Variants in DCC observed in about 807,000 individuals in gnomAD.
The protein encoded by DCC is netrin receptor DCC.
A neutral mutation model predicts 172.5 loss-of-function variants in DCC; 58 were observed. The ratio of observed to expected loss-of-function variants is 0.34; its 90% CI spans 0.27 to 0.42. The LOEUF (loss-of-function observed/expected upper bound fraction) is 0.42. Among genes scored for constraint, DCC ranks in the 10% least tolerant of loss-of-function variants. The pLI is 1.00. For synonymous variants in DCC, 709 were observed against 644.5 expected (o/e 1.10, Z -1.52); for missense variants, 1,740 against 1,791.0 (o/e 0.97, Z 0.51).
chr18:52,997,484 A>G (rs977555859), intron 5 of DCC, among the ~76,000 whole-genome samples: 2 of 152,094 alleles, frequency 1.3e-5, no homozygotes, highest in Non-Finnish European at 2.9e-5. Context: ...CAGGATTCAC[A>G]TATGCCAAAA....
At chr18:53,476,556 G>T (rs1327060491) in intron 25 of DCC, among the ~76,000 whole-genome samples, 13 of 152,174 alleles carry the variant, frequency 8.5e-5, no homozygotes, top group Admixed American at 8.5e-4. Context: ...CTTCTGCCAT[G>T]ATTGTGAGGC....
intron 1 of DCC, among the ~76,000 whole-genome samples, chr18:52,647,965 A>G (rs1015729670): frequency 2.0e-5 from 3 of 152,206 alleles, no homozygotes; most frequent in Non-Finnish European, 4.4e-5. Flanking sequence ...GAGAGAATTG[A>G]TTTTGATGCA....
intron 1 of DCC, among the ~76,000 whole-genome samples, chr18:52,475,212 A>T (rs2144569583): frequency 6.6e-6 from 1 of 152,290 alleles, no homozygotes; most frequent in African/African-American, 2.4e-5. Context: ...GGGGATTTTT[A>T]AAGCCCTTTC....
At chr18:52,362,734 T>C (rs966907929) in intron 1 of DCC, among the ~76,000 whole-genome samples, 2 of 152,176 alleles carry the variant, frequency 1.3e-5, no homozygotes, top group Non-Finnish European at 2.9e-5. Flanking sequence ...TATAGGCAGG[T>C]TGGGAGTGGG....
intron 7 of DCC, among the ~76,000 whole-genome samples, chr18:53,134,921 C>A (rs970182131): frequency 2.0e-5 from 3 of 152,156 alleles, no homozygotes; most frequent in African/African-American, 7.2e-5. Context: ...GATTCCGACT[C>A]ATTCATACCA....
intron 15 of DCC, among the ~76,000 whole-genome samples, chr18:53,382,025 C>T (rs1306337873): frequency 6.6e-6 from 1 of 150,920 alleles, no homozygotes; most frequent in Non-Finnish European, 1.5e-5. Flanking sequence ...ACACTGTAGC[C>T]AAATCTAGCC....
chr18:52,856,487 G>A (rs1034719326), intron 2 of DCC, among the ~76,000 whole-genome samples: 5 of 151,754 alleles, frequency 3.3e-5, no homozygotes, highest in African/African-American at 9.7e-5. Context: ...ATAGCCGGGC[G>A]TGGTGGCGGG....
chr18:52,392,528 A>C (rs1986068220), intron 1 of DCC, among the ~76,000 whole-genome samples: 1 of 152,130 alleles, frequency 6.6e-6, no homozygotes, highest in Non-Finnish European at 1.5e-5. Flanking sequence ...TGTACAATGC[A>C]AGTTGATGGA....
chr18:53,307,138 A>G (rs2057210185), intron 13 of DCC, among the ~76,000 whole-genome samples: 1 of 152,186 alleles, frequency 6.6e-6, no homozygotes, highest in Non-Finnish European at 1.5e-5. Context: ...TTATGCCTAT[A>G]TAATTTTAGC....
chr18:52,365,133 A>T (rs1430678825), intron 1 of DCC, among the ~76,000 whole-genome samples: 1 of 152,232 alleles, frequency 6.6e-6, no homozygotes, highest in African/African-American at 2.4e-5. Context: ...TCTCCTTGTC[A>T]TCTTCCTTGC....
intron 5 of DCC, among the ~76,000 whole-genome samples, chr18:53,029,624 T>TA (rs398032874): frequency 3.9e-5 from 6 of 151,990 alleles, no homozygotes; most frequent in East Asian, 1.9e-4. Flanking sequence ...GTCTTTTTTT[T>TA]ATCTTTGTAT....
intron 1 of DCC, among the ~76,000 whole-genome samples, chr18:52,678,291 G>A (rs1414056604): frequency 6.6e-6 from 1 of 152,076 alleles, no homozygotes; most frequent in African/African-American, 2.4e-5. Flanking sequence ...GCATACTCCT[G>A]GGATGATCTA....
At chr18:52,697,805 A>G (rs1208974927) in intron 1 of DCC, among the ~76,000 whole-genome samples, 1 of 152,226 alleles carries the variant, frequency 6.6e-6, no homozygotes, top group Non-Finnish European at 1.5e-5. Context: ...ATTGTAGAAC[A>G]GCTGTTTAAG....
At chr18:53,022,184 A>G (rs1176145160) in intron 5 of DCC, among the ~76,000 whole-genome samples, 3 of 152,194 alleles carry the variant, frequency 2.0e-5, no homozygotes, top group African/African-American at 7.2e-5. Context: ...AGGATTTAGC[A>G]TGAATATAAA....
At chr18:53,488,824 T>A (rs1353001090) in intron 26 of DCC, among the ~76,000 whole-genome samples, 1 of 152,180 alleles carries the variant, frequency 6.6e-6, no homozygotes, top group Non-Finnish European at 1.5e-5. Context: ...CTCAATTTTC[T>A]TGTGAACCTC....
At chr18:53,480,008 G>A (rs944815803) in intron 25 of DCC, among the ~76,000 whole-genome samples, 12 of 152,256 alleles carry the variant, frequency 7.9e-5, no homozygotes, top group Middle Eastern at 3.4e-3. Context: ...TCATTTCAAA[G>A]GAATTCCATG....
At chr18:53,013,138 T>C (rs2041754924) in intron 5 of DCC, among the ~76,000 whole-genome samples, 1 of 152,130 alleles carries the variant, frequency 6.6e-6, no homozygotes, top group Admixed American at 6.6e-5. Context: ...ATAAATTAGT[T>C]CAACCATTGT....
rs1191135885 is a variant in DCC at position 52,990,538 on chromosome 18, CCCAAAAAAAA to C, written c.985+65169_985+65178del. On this transcript the variant is annotated intron_variant, in intron 5 of 28. Transcript: ENST00000442544. ...CTGGGCAACAAGAGCAAAACTCCAT[CCCAAAAAAAA>C]AAAAAAAAAAAAAAAAAAGCAAAGC... Among the ~76,000 whole-genome samples the C allele has an allele frequency of 6.6e-5, 5 of 76,282 alleles. 1 individual carries two copies. Among genetic ancestry groups the C allele is most frequent in the Admixed American group, 5.5e-4 (3 of 5,444 alleles). The allele number at this position is 76,282 out of a possible 152,430, so 50.0% of individuals were successfully genotyped here.
rs141024128 is a variant in DCC, at chr18:53,126,296, T to G, written c.1262-31060T>G. Among the ~76,000 whole-genome samples, 381 of 152,264 alleles carry G rather than the reference T, an allele frequency of 2.5e-3. 3 individuals are homozygous for G. Among genetic ancestry groups the G allele is most frequent in the East Asian group, 0.014 (73 of 5,168 alleles). On this transcript the variant is annotated intron_variant, in intron 7 of 28. Transcript: ENST00000442544. ...CCTGGGATACTATTTGTGCCTAGGA[T>G]TTTTGAGAAGGTAGCAAAACATTTC...
Sources: gnomAD v4.1 joint callset for allele counts (sites outside exome capture counted in the v4.1 genomes callset) on GRCh38, gnomAD v4.1.1 for gene constraint, MANE v1.5 for transcripts, NCBI Gene and HGNC (gene_info 2026-07-23, HGNC 2026-07-21) for gene names.